The following GPC5 variants were observed in gnomAD, a reference collection of about 807,000 sequenced individuals.
GPC5 encodes glypican-5.
In GPC5, 47 loss-of-function variants were observed where a neutral mutation model predicts 53.9. That is an observed-to-expected ratio of 0.87 (90% CI 0.69 to 1.11). The LOEUF is 1.11. Ranked by LOEUF, GPC5 falls within the 50% of genes most tolerant of loss-of-function variation. GPC5 has a pLI of 0.00. For synonymous variants in GPC5, 286 were observed against 263.3 expected, an observed-to-expected ratio of 1.09 and a Z score of -0.84; for missense variants, 748 against 713.1, an observed-to-expected ratio of 1.05 and a Z score of -0.56.
intron 5 of GPC5, among the ~76,000 whole-genome samples, chr13:91,891,522 A>C (rs1322826548): frequency 2.6e-5 from 4 of 152,158 alleles, no homozygotes; most frequent in Non-Finnish European, 5.9e-5. Context: ...GGCCACAAAA[A>C]ATGACAAATG....
intron 7 of GPC5, among the ~76,000 whole-genome samples, chr13:92,756,358 A>C (rs1217255368): frequency 6.6e-6 from 1 of 151,990 alleles, no homozygotes; most frequent in Non-Finnish European, 1.5e-5. Context: ...TCTATGACAA[A>C]CCCACAGCCA....
chr13:92,425,330 A>ATCTCCCACCTCTACCC (rs1360731147), intron 7 of GPC5, among the ~76,000 whole-genome samples: 2 of 151,992 alleles, frequency 1.3e-5, no homozygotes, highest in Admixed American at 6.6e-5. Context: ...AAAGTTTACC[A>ATCTCCCACCTCTACCC]TCTCCCACCT....
chr13:92,155,172 T>C (rs1376087205), intron 7 of GPC5, among the ~76,000 whole-genome samples: 1 of 152,192 alleles, frequency 6.6e-6, no homozygotes, highest in Non-Finnish European at 1.5e-5. Context: ...TTTATGGTGA[T>C]GAGACTTTGT....
At chr13:92,728,977 T>C (rs1888724995) in intron 7 of GPC5, among the ~76,000 whole-genome samples, 1 of 151,404 alleles carries the variant, frequency 6.6e-6, no homozygotes, top group Non-Finnish European at 1.5e-5. Context: ...AAACTATTTC[T>C]GTAATATTAG....
chr13:91,912,609 A>G (rs1190565719), intron 6 of GPC5, among the ~76,000 whole-genome samples: 1 of 152,158 alleles, frequency 6.6e-6, no homozygotes, highest in East Asian at 1.9e-4. Context: ...CACACAAAAC[A>G]AATACTTTTC....
intron 5 of GPC5, among the ~76,000 whole-genome samples, chr13:91,826,175 AT>A (rs2038572832): frequency 3.0e-5 from 3 of 98,608 alleles, no homozygotes; most frequent in African/African-American, 1.2e-4. Flanking sequence ...AAGGCAGTTA[AT>A]ATTAAATAAA....
At chr13:92,273,037 C>T (rs905286539) in intron 7 of GPC5, among the ~76,000 whole-genome samples, 4 of 152,046 alleles carry the variant, frequency 2.6e-5, no homozygotes, top group Admixed American at 1.3e-4. Context: ...GGTGACACCA[C>T]CAAATTTCCT....
chr13:92,512,263 C>T (rs937692915), intron 7 of GPC5, among the ~76,000 whole-genome samples: 5 of 151,782 alleles, frequency 3.3e-5, no homozygotes, highest in African/African-American at 4.8e-5. Flanking sequence ...CGCGCGCGCG[C>T]GTACGCTGTG....
intron 7 of GPC5, among the ~76,000 whole-genome samples, chr13:92,806,717 T>C (rs1877114146): frequency 6.6e-6 from 1 of 152,176 alleles, no homozygotes; most frequent in East Asian, 1.9e-4. Flanking sequence ...GAGCAGTCAG[T>C]GCACACACGA....
intron 2 of GPC5, among the ~76,000 whole-genome samples, chr13:91,527,350 G>T (rs1886134151): frequency 6.6e-6 from 1 of 152,224 alleles, no homozygotes; most frequent in African/African-American, 2.4e-5. Flanking sequence ...CCGAAACTCA[G>T]CAGGGCAGTC....
intron 7 of GPC5, among the ~76,000 whole-genome samples, chr13:92,168,468 T>C (rs1385517603): frequency 6.6e-6 from 1 of 151,924 alleles, no homozygotes; most frequent in Non-Finnish European, 1.5e-5. Flanking sequence ...CCAAAATCTA[T>C]AAGAAACTTA....
intron 7 of GPC5, among the ~76,000 whole-genome samples, chr13:92,696,949 T>C (rs1201491723): frequency 1.3e-5 from 2 of 152,194 alleles, no homozygotes; most frequent in African/African-American, 4.8e-5. Flanking sequence ...ATTTATTAAA[T>C]AGGGAATCCT....
intron 7 of GPC5, chr13:92,447,900 A>AT (rs1877896634): frequency 6.6e-6 from 1 of 152,136 alleles, no homozygotes; most frequent in Non-Finnish European, 1.5e-5. Context: ...GATTTATCTA[A>AT]GAACATTGCA....
intron 6 of GPC5, among the ~76,000 whole-genome samples, chr13:92,103,230 G>C: frequency 6.6e-6 from 1 of 152,098 alleles, no homozygotes; most frequent in East Asian, 1.9e-4. Flanking sequence ...GTTTGACAAA[G>C]GAAAACGAGG....
intron 7 of GPC5, among the ~76,000 whole-genome samples, chr13:92,472,589 T>C (rs1878954854): frequency 6.6e-6 from 1 of 152,134 alleles, no homozygotes; most frequent in African/African-American, 2.4e-5. Context: ...ATGAATACTT[T>C]ACAACACCTA....
chr13:91,570,526 A>T (rs1406752170), intron 2 of GPC5, among the ~76,000 whole-genome samples: 1 of 152,198 alleles, frequency 6.6e-6, no homozygotes, highest in Admixed American at 6.6e-5. Flanking sequence ...TAGCTTTTTA[A>T]TGGGTGCCTA....
At chr13:91,639,388 A>G (rs1178184197) in intron 2 of GPC5, among the ~76,000 whole-genome samples, 2 of 152,238 alleles carry the variant, frequency 1.3e-5, no homozygotes, top group East Asian at 3.8e-4. Flanking sequence ...CTGATGATTC[A>G]TAAACTGAAT....
At chr13:91,446,186 A>C (rs1021134933) in intron 1 of GPC5, among the ~76,000 whole-genome samples, 1 of 152,194 alleles carries the variant, frequency 6.6e-6, no homozygotes, top group African/African-American at 2.4e-5. Context: ...CACTGCCACC[A>C]TATTTCCAGA....
At chr13:92,624,248 T>C (rs1178847197) in intron 7 of GPC5, among the ~76,000 whole-genome samples, 1 of 152,044 alleles carries the variant, frequency 6.6e-6, no homozygotes, top group Non-Finnish European at 1.5e-5. Flanking sequence ...TTTTGTATTT[T>C]TATTAGAGAC....
Sources: allele counts gnomAD v4.1 joint callset (sites outside exome capture counted in the v4.1 genomes callset), GRCh38; gene constraint gnomAD v4.1.1; transcripts MANE v1.5; gene names NCBI Gene and HGNC (gene_info 2026-07-23, HGNC 2026-07-21).